Variants in MYLIP observed in about 807,000 individuals in gnomAD.
MYLIP encodes E3 ubiquitin-protein ligase MYLIP.
A neutral mutation model predicts 45.8 loss-of-function variants in MYLIP; 26 were observed. That is an observed-to-expected ratio of 0.57 (90% CI 0.42 to 0.79). The LOEUF is 0.79. Ranked by LOEUF, MYLIP falls within the 30% of genes least tolerant of loss-of-function variation. The pLI, the probability that MYLIP is intolerant of heterozygous loss-of-function variation, is 0.00. For synonymous variants in MYLIP, 213 were observed against 218.1 expected (o/e 0.98, Z 0.21); for missense variants, 494 against 555.6 (o/e 0.89, Z 1.11).
At chr6:16,155,420 T>C in the MYLIP span, among the ~76,000 whole-genome samples, 1 of 152,126 alleles carries the variant, frequency 6.6e-6, no homozygotes, top group Non-Finnish European at 1.5e-5. Context: ...GGCAAGGGAA[T>C]GAATGACTAA....
chr6:16,150,600 C>G (rs373146266), downstream of MYLIP, among the ~76,000 whole-genome samples: 20 of 152,016 alleles, frequency 1.3e-4, no homozygotes, highest in South Asian at 4.2e-3. Flanking sequence ...GGCCGGGAGG[C>G]GAGAGGATTG....
rs45542142 is a variant in MYLIP at position 16,144,727 on chromosome 6, G to A, written c.828-170G>A. Among the ~76,000 whole-genome samples the A allele has an allele frequency of 6.0e-3, 911 of 152,296 alleles. 12 individuals carry two copies. Among genetic ancestry groups the A allele is most frequent in the African/African-American group, 0.02 (844 of 41,562 alleles). On this transcript the variant is annotated intron_variant, in intron 5 of 6. Coordinates refer to ENST00000356840, the MANE Select transcript of MYLIP (RefSeq NM_013262.4). ...GTCAGGAGATGTTAGAGAAACAGAG[G>A]TGTAATCACTGAGAATATTTACCAG...
the MYLIP span, among the ~76,000 whole-genome samples, chr6:16,158,597 C>G: frequency 6.6e-6 from 1 of 152,218 alleles, no homozygotes; most frequent in African/African-American, 2.4e-5. Context: ...TAGGTCAGCT[C>G]TTTCACAAAC....
rs761024185 is a variant in MYLIP, at chr6:16,130,584, G to T, written c.115G>T (p.Val39Phe). The change falls in exon 2 of 7, where the codon GTT becomes TTT. Residue 39 changes from valine (V) to phenylalanine (F), a missense_variant. Coordinates refer to ENST00000356840, the MANE Select transcript of MYLIP (RefSeq NM_013262.4). ...GTGCAGGCGACTGGGAATCATAGAA[G>T]TTGACTATTTTGGACTGCAGTTTAC... Reference protein sequence around the residue: ...QVCRRLGIIEVDYFGLQFTGS... With the variant: ...QVCRRLGIIEFDYFGLQFTGS... The T allele has an allele frequency of 6.2e-7, 1 of 1,614,148 alleles. No individual in the cohort carries two copies. The highest frequency in any genetic ancestry group is 8.5e-7 in the Non-Finnish European group (1 of 1,180,012).
chr6:16,130,733 A>T lies in MYLIP; in HGVS notation c.264A>T (p.Leu88Phe). The T allele has an allele frequency of 6.2e-7, 1 of 1,613,942 alleles. No homozygotes were observed. Residue 88 changes from leucine (L) to phenylalanine (F), a missense_variant, in exon 2 of 7, where the codon TTA becomes TTT. Leu to Phe is a conservative substitution (Grantham distance 22). Transcript: ENST00000356840. ...VKFFVEPHLI[L>F]QEQTRHIFFL... ...TCTTCGTGGAGCCTCATCTCATCTT[A>T]CAGGAGCAGACTAGGTAAAGTGAGC...
intron 5 of MYLIP, among the ~76,000 whole-genome samples, chr6:16,144,678 T>C (rs1759746823): frequency 6.6e-6 from 1 of 152,192 alleles, no homozygotes; most frequent in African/African-American, 2.4e-5. Flanking sequence ...CCCTCTGTAT[T>C]TACTGCTTTA....
At chr6:16,134,683 G>A (rs1759516203) in intron 2 of MYLIP, among the ~76,000 whole-genome samples, 1 of 152,166 alleles carries the variant, frequency 6.6e-6, no homozygotes, top group African/African-American at 2.4e-5. Flanking sequence ...GTGGAAATCT[G>A]GGAAAGATTG....
intron 5 of MYLIP, among the ~76,000 whole-genome samples, 172 bp from the exon 6 acceptor site, chr6:16,144,725 A>C (rs1759747877): frequency 1.3e-5 from 2 of 152,202 alleles, no homozygotes; most frequent in Admixed American, 6.5e-5. Flanking sequence ...AGAGAAACAG[A>C]GGTGTAATCA....
At chr6:16,140,230 C>A (rs1759640553) in intron 2 of MYLIP, among the ~76,000 whole-genome samples, 2 of 152,232 alleles carry the variant, frequency 1.3e-5, no homozygotes, top group Non-Finnish European at 2.9e-5. Context: ...AAGGTTAAAA[C>A]TTCACATTTG....
At chr6:16,158,962 C>G in the MYLIP span, among the ~76,000 whole-genome samples, 1 of 152,224 alleles carries the variant, frequency 6.6e-6, no homozygotes, top group African/African-American at 2.4e-5. Flanking sequence ...GCACTTAACA[C>G]TGTGCCCAGA....
chr6:16,155,196 A>T, the MYLIP span, among the ~76,000 whole-genome samples: 1 of 152,222 alleles, frequency 6.6e-6, no homozygotes, highest in East Asian at 1.9e-4. Context: ...CGGACCCCCA[A>T]GGGCAGCTCC....
chr6:16,142,585 C>T (rs555383565), intron 3 of MYLIP, among the ~76,000 whole-genome samples: 1 of 152,358 alleles, frequency 6.6e-6, no homozygotes, highest in African/African-American at 2.4e-5. Context: ...AACTCTGTCT[C>T]ATCTGAAGGC....
the MYLIP span, among the ~76,000 whole-genome samples, chr6:16,159,181 A>C: frequency 6.6e-6 from 1 of 152,226 alleles, no homozygotes; most frequent in African/African-American, 2.4e-5. Flanking sequence ...TGCCTCAAGG[A>C]TCTAGATATT....
chr6:16,132,129 A>G (rs987898714), intron 2 of MYLIP, among the ~76,000 whole-genome samples: 2 of 152,250 alleles, frequency 1.3e-5, no homozygotes, highest in Non-Finnish European at 2.9e-5. Flanking sequence ...AGATCTCTAG[A>G]TGCAACCCAG....
chr6:16,156,684 C>T, the MYLIP span, among the ~76,000 whole-genome samples: 11 of 152,176 alleles, frequency 7.2e-5, no homozygotes, highest in Admixed American at 3.9e-4. Context: ...CTTGAATATC[C>T]GTGGCTTGGG....
the MYLIP span, among the ~76,000 whole-genome samples, chr6:16,162,473 C>T: frequency 2.0e-5 from 3 of 152,040 alleles, no homozygotes; most frequent in East Asian, 5.8e-4. Flanking sequence ...AATACAGCTT[C>T]TGATAGATTG....
chr6:16,131,812 T>A (rs1217677122), intron 2 of MYLIP, among the ~76,000 whole-genome samples: 1 of 152,208 alleles, frequency 6.6e-6, no homozygotes, highest in Non-Finnish European at 1.5e-5. Flanking sequence ...GAATTTGAAA[T>A]TTCCACTTTG....
At chr6:16,148,898 A>G (rs1353015042), downstream of MYLIP, among the ~76,000 whole-genome samples, 1 of 152,220 alleles carries the variant, frequency 6.6e-6, no homozygotes. Context: ...AGTGATAATT[A>G]TCTGTAGCAA....
downstream of MYLIP, among the ~76,000 whole-genome samples, chr6:16,150,785 T>G (rs1046926555): frequency 1.3e-5 from 2 of 152,214 alleles, no homozygotes; most frequent in African/African-American, 4.8e-5. Context: ...TTGGTCTTTT[T>G]ATTAAGGGTT....
Sources: allele counts gnomAD v4.1 joint callset (sites outside exome capture counted in the v4.1 genomes callset), GRCh38; gene constraint gnomAD v4.1.1; transcripts MANE v1.5; gene names NCBI Gene and HGNC (gene_info 2026-07-23, HGNC 2026-07-21).